Variants in NTM observed in about 807,000 individuals in gnomAD.
NTM encodes the protein neurotrimin, also known as IgLON family member 2.
A neutral mutation model predicts 42.1 loss-of-function variants in NTM; 13 were observed. The ratio of observed to expected loss-of-function variants is 0.31; its 90% CI spans 0.20 to 0.49. The LOEUF (loss-of-function observed/expected upper bound fraction) is 0.49, where lower values mean the gene tolerates loss of function less well. NTM is among the 20% of genes least tolerant of loss of function. The probability of loss-of-function intolerance (pLI) is 0.99; values close to 1 mark genes in which losing one functional copy is unlikely to be tolerated. For synonymous variants in NTM, 187 were observed against 179.2 expected, an observed-to-expected ratio of 1.04 and a Z score of -0.35; for missense variants, 373 against 452.8, an observed-to-expected ratio of 0.82 and a Z score of 1.60.
intron 1 of NTM, among the ~76,000 whole-genome samples, chr11:131,741,349 T>C (rs1312383795): frequency 6.6e-6 from 1 of 151,946 alleles, no homozygotes; most frequent in African/African-American, 2.4e-5. Context: ...CTTGTGGGAG[T>C]GGAGCCTTCA....
chr11:131,979,787 CATT>C (rs2064969395), intron 2 of NTM, among the ~76,000 whole-genome samples: 1 of 152,230 alleles, frequency 6.6e-6, no homozygotes, highest in African/African-American at 2.4e-5. Context: ...GAAATGGCAA[CATT>C]ATGGCTTAAG....
chr11:132,019,117 G>T (rs1269245843), intron 2 of NTM, among the ~76,000 whole-genome samples: 2 of 151,410 alleles, frequency 1.3e-5, no homozygotes, highest in East Asian at 3.9e-4. Flanking sequence ...TTTTATCAAG[G>T]AGCTTACTTC....
At position 132,314,612 on chromosome 11, in the gene NTM, C is replaced by G. The variant is rs1178451159; in HGVS notation, c.843C>G (p.Ile281Met). Residue 281 changes from isoleucine to methionine, a missense_variant, in exon 7 of 9, where the codon ATC (isoleucine) becomes ATG (methionine). Ile to Met is a conservative substitution (Grantham distance 10). Transcript: ENST00000683400. ...VENRPFLSKL[I>M]FFNVSEHDYG... is the part of the protein sequence containing the mutation. ...ACAGACCTTTCCTCTCAAAACTCAT[C>G]TTCTTCAATGTCTCTGAACATGACT... 1 of 1,613,924 alleles carries G rather than the reference C, an allele frequency of 6.2e-7. No individual in the cohort carries two copies. Among genetic ancestry groups the G allele is most frequent in the South Asian group, 1.1e-5 (1 of 91,024 alleles).
chr11:131,768,401 A>AG (rs756955936), intron 1 of NTM, among the ~76,000 whole-genome samples: 13 of 152,182 alleles, frequency 8.5e-5, no homozygotes, highest in Non-Finnish European at 1.8e-4. Flanking sequence ...TACAGGCGTG[A>AG]GCCACTGTGC....
At chr11:131,508,892 G>A (rs1390978715) in intron 1 of NTM, among the ~76,000 whole-genome samples, 2 of 146,126 alleles carry the variant, frequency 1.4e-5, no homozygotes, top group Non-Finnish European at 3.0e-5. Context: ...TTGTGGGGTT[G>A]GGGGAGGGGG....
chr11:131,864,939 C>G (rs187414990), intron 1 of NTM, among the ~76,000 whole-genome samples: 2,511 of 152,292 alleles, frequency 0.016, 67 homozygotes, highest in African/African-American at 0.057. Flanking sequence ...GCCAGCAGGG[C>G]CTGAGCTTGG....
chr11:132,164,234 T>C (rs944870160), intron 3 of NTM, among the ~76,000 whole-genome samples: 1 of 152,198 alleles, frequency 6.6e-6, no homozygotes, highest in African/African-American at 2.4e-5. Flanking sequence ...TTTGTTGTTG[T>C]TGTTGTTGTT....
chr11:131,484,334 C>A (rs899312030), intron 1 of NTM, among the ~76,000 whole-genome samples: 2 of 152,046 alleles, frequency 1.3e-5, no homozygotes, highest in Admixed American at 6.5e-5. Flanking sequence ...TATGAGGATG[C>A]CAGTAAAAGA....
intron 1 of NTM, among the ~76,000 whole-genome samples, chr11:131,822,433 C>T (rs1387983602): frequency 6.6e-6 from 1 of 152,152 alleles, no homozygotes; most frequent in Non-Finnish European, 1.5e-5. Flanking sequence ...TGGAATTGCA[C>T]TAAATGAATT....
chr11:131,723,613 C>T (rs1426364028), intron 1 of NTM, among the ~76,000 whole-genome samples: 1 of 152,118 alleles, frequency 6.6e-6, no homozygotes, highest in Non-Finnish European at 1.5e-5. Flanking sequence ...GTCCTAAATT[C>T]CATGTTAAGA....
At chr11:132,009,742 T>A (rs1397029798) in intron 2 of NTM, among the ~76,000 whole-genome samples, 1 of 152,232 alleles carries the variant, frequency 6.6e-6, no homozygotes, top group Non-Finnish European at 1.5e-5. Context: ...GACCTCTTTC[T>A]TTGTCATGAG....
chr11:132,262,823 C>T (rs114115751), intron 4 of NTM, among the ~76,000 whole-genome samples: 6 of 152,190 alleles, frequency 3.9e-5, no homozygotes, highest in African/African-American at 9.7e-5. Flanking sequence ...AGTCTTAACT[C>T]GCTCCAGAAT....
At chr11:132,064,507 G>A (rs2081147390) in intron 2 of NTM, among the ~76,000 whole-genome samples, 1 of 152,168 alleles carries the variant, frequency 6.6e-6, no homozygotes, top group Admixed American at 6.5e-5. Flanking sequence ...AAAGAATTGA[G>A]CAAAGACACA....
intron 1 of NTM, among the ~76,000 whole-genome samples, chr11:131,419,793 G>T (rs538165593): frequency 6.6e-6 from 1 of 152,302 alleles, no homozygotes; most frequent in African/African-American, 2.4e-5. Flanking sequence ...TTGGAGGAGG[G>T]CAGTAGCAGA....
At chr11:131,518,263 C>T (rs2049145423) in intron 1 of NTM, among the ~76,000 whole-genome samples, 1 of 152,158 alleles carries the variant, frequency 6.6e-6, no homozygotes, top group African/African-American at 2.4e-5. Context: ...CTCGAGTCAC[C>T]CATGCAGTAA....
Position 131,497,398 on chromosome 11 carries a change from A to G in NTM, c.82+126510A>G, listed in dbSNP as rs559764775. 2.7e-3 allele frequency among the ~76,000 whole-genome samples: 413 copies of G among 152,162 alleles called. 1 individual carries two copies. The highest frequency in any genetic ancestry group is 8.4e-3 in the African/African-American group (348 of 41,500). Reference sequence around the variant, plus strand: ...GAGACGGGGTTTCACCATGTTGCCCAGGCTGGTCTTGAACTCCTGACCTCG... The same window carrying G: ...GAGACGGGGTTTCACCATGTTGCCCGGGCTGGTCTTGAACTCCTGACCTCG... On this transcript the variant is annotated intron_variant, in intron 1 of 8. Coordinates refer to ENST00000683400, the MANE Select transcript of NTM (RefSeq NM_001352005.2).
intron 1 of NTM, among the ~76,000 whole-genome samples, chr11:131,576,532 A>G (rs1433442836): frequency 1.3e-5 from 2 of 152,116 alleles, no homozygotes; most frequent in Non-Finnish European, 1.5e-5. Flanking sequence ...TGTTCTCTCA[A>G]CTAGACACAC....
chr11:131,582,795 C>T (rs1424282832), intron 1 of NTM, among the ~76,000 whole-genome samples: 24 of 152,164 alleles, frequency 1.6e-4, no homozygotes, highest in Admixed American at 1.6e-3. Context: ...CCCCTTCCCC[C>T]ACCAAAAAAA....
At chr11:131,983,761 A>G (rs1021039695) in intron 2 of NTM, among the ~76,000 whole-genome samples, 5 of 151,872 alleles carry the variant, frequency 3.3e-5, no homozygotes, top group African/African-American at 7.2e-5. Flanking sequence ...ACAATCTACA[A>G]TGAATGTTTC....
Sources: allele counts gnomAD v4.1 joint callset (sites outside exome capture counted in the v4.1 genomes callset), GRCh38; gene constraint gnomAD v4.1.1; transcripts MANE v1.5; gene names NCBI Gene and HGNC (gene_info 2026-07-23, HGNC 2026-07-21).